GSTCD: variants seen among roughly 807,000 people sequenced by gnomAD.
GSTCD encodes the protein glutathione S-transferase C-terminal domain containing.
In GSTCD, 44 loss-of-function variants were observed where a neutral mutation model predicts 68.3. The observed-to-expected ratio is 0.64, with a 90% CI of 0.51 to 0.83. The LOEUF (loss-of-function observed/expected upper bound fraction) is 0.83, where lower values mean the gene tolerates loss of function less well. Among genes scored for constraint, GSTCD ranks in the 40% least tolerant of loss-of-function variants. The pLI, the probability that GSTCD is intolerant of heterozygous loss-of-function variation, is 0.00. For missense variants in GSTCD, 739 were observed against 735.9 expected (o/e 1.00, Z -0.05); for synonymous variants, 273 against 255.2 (o/e 1.07, Z -0.67).
chr4:105,724,521 AT>A (rs1732968873), intron 3 of GSTCD, among the ~76,000 whole-genome samples: 1 of 151,632 alleles, frequency 6.6e-6, no homozygotes, highest in Non-Finnish European at 1.5e-5. Flanking sequence ...TCATTGTGTA[AT>A]TTTTAAAAAT....
chr4:105,743,742 T>TC (rs1482180088), intron 5 of GSTCD, among the ~76,000 whole-genome samples: 24 of 138,590 alleles, frequency 1.7e-4, no homozygotes, highest in African/African-American at 6.5e-4. Flanking sequence ...TACTGCAAGC[T>TC]CCCCCTCCCA....
At chr4:105,784,364 A>T (rs1735388335) in intron 5 of GSTCD, among the ~76,000 whole-genome samples, 1 of 152,336 alleles carries the variant, frequency 6.6e-6, no homozygotes, top group African/African-American at 2.4e-5. Context: ...AGAGAGAGAC[A>T]CCAGGGACCA....
intron 1 of GSTCD, among the ~76,000 whole-genome samples, chr4:105,715,603 G>T (rs1234063764): frequency 6.6e-6 from 1 of 151,544 alleles, no homozygotes; most frequent in Admixed American, 6.6e-5. Flanking sequence ...TTTTTATAAT[G>T]GATTACAAGT....
chr4:105,795,686 T>C (rs1220873204), intron 5 of GSTCD, among the ~76,000 whole-genome samples: 1 of 152,152 alleles, frequency 6.6e-6, no homozygotes, highest in Non-Finnish European at 1.5e-5. Context: ...CACATACATT[T>C]AGGGAGGTTG....
chr4:105,743,166 G>T (rs989825412), intron 5 of GSTCD, among the ~76,000 whole-genome samples: 2 of 151,942 alleles, frequency 1.3e-5, no homozygotes, highest in Non-Finnish European at 1.5e-5. Context: ...TAGCCAGGAT[G>T]GTCTCGATCT....
chr4:105,764,124 T>C (rs1051361753), intron 5 of GSTCD, among the ~76,000 whole-genome samples: 3 of 152,186 alleles, frequency 2.0e-5, no homozygotes, highest in Non-Finnish European at 4.4e-5. Context: ...AGTGTACCTC[T>C]AAATTACACG....
intron 8 of GSTCD, among the ~76,000 whole-genome samples, chr4:105,828,988 G>C (rs1349211601): frequency 1.3e-5 from 2 of 151,992 alleles, no homozygotes; most frequent in Non-Finnish European, 2.9e-5. Context: ...GAAGGGCAAT[G>C]GTGATGTGCC....
chr4:105,761,450 A>G (rs891266850), intron 5 of GSTCD: 13 of 152,150 alleles, frequency 8.5e-5, no homozygotes, highest in African/African-American at 3.1e-4. Flanking sequence ...TGGTTTGTCT[A>G]TTAAAATAGT....
At chr4:105,723,991 A>G in intron 3 of GSTCD, among the ~76,000 whole-genome samples, 1 of 151,954 alleles carries the variant, frequency 6.6e-6, no homozygotes, top group Non-Finnish European at 1.5e-5. Context: ...CTTATAATCA[A>G]TTACTTGTGC....
At chr4:105,809,842 A>G (rs1386014555) in intron 5 of GSTCD, among the ~76,000 whole-genome samples, 2 of 151,908 alleles carry the variant, frequency 1.3e-5, no homozygotes, top group African/African-American at 2.4e-5. Context: ...GTCTCAAAGT[A>G]TACTGCAGTG....
At chr4:105,756,576 G>A (rs1410429055) in intron 5 of GSTCD, among the ~76,000 whole-genome samples, 4 of 89,410 alleles carry the variant, frequency 4.5e-5, no homozygotes, top group Non-Finnish European at 9.8e-5. Flanking sequence ...GTGTGTGTGT[G>A]TGTGTATATA....
intron 5 of GSTCD, among the ~76,000 whole-genome samples, chr4:105,737,701 G>C (rs1733505812): frequency 6.6e-6 from 1 of 152,130 alleles, no homozygotes; most frequent in African/African-American, 2.4e-5. Flanking sequence ...AGTTTTTCTA[G>C]TACCATTTAT....
chr4:105,750,729 C>G (rs1165014385), intron 5 of GSTCD, among the ~76,000 whole-genome samples: 3 of 152,050 alleles, frequency 2.0e-5, no homozygotes, highest in African/African-American at 7.2e-5. Context: ...TAGTGGCCCC[C>G]TAACTGGAAA....
At chr4:105,781,000 C>G (rs530393832) in intron 5 of GSTCD, among the ~76,000 whole-genome samples, 1 of 152,142 alleles carries the variant, frequency 6.6e-6, no homozygotes, top group Non-Finnish European at 1.5e-5. Flanking sequence ...TACTTAATCT[C>G]AAGCAAATTA....
chr4:105,837,910 A>G, intron 10 of GSTCD, 21 bp downstream of exon 10: 1 of 979,918 alleles, frequency 1.0e-6, no homozygotes. Flanking sequence ...AAAGATCTAG[A>G]TATCATCCTA....
intron 5 of GSTCD, among the ~76,000 whole-genome samples, chr4:105,769,373 C>T (rs1734752243): frequency 6.6e-6 from 1 of 151,980 alleles, no homozygotes; most frequent in Admixed American, 6.6e-5. Context: ...ATAAAGGAAG[C>T]AGCTAGTAAA....
chr4:105,766,047 C>T (rs1317449601), intron 5 of GSTCD, among the ~76,000 whole-genome samples: 1 of 152,190 alleles, frequency 6.6e-6, no homozygotes, highest in Non-Finnish European at 1.5e-5. Flanking sequence ...CTCTAGCATT[C>T]AGGGTCCTTT....
chr4:105,746,485 T>A (rs1733806039), intron 5 of GSTCD: 1 of 152,198 alleles, frequency 6.6e-6, no homozygotes, highest in Non-Finnish European at 1.5e-5. Context: ...TATAGTGTCT[T>A]CTTTCTAGAA....
chr4:105,761,116 G>A (rs940296180), intron 5 of GSTCD: 14 of 195,450 alleles, frequency 7.2e-5, no homozygotes, highest in African/African-American at 3.5e-4. Context: ...TAATTCTGCT[G>A]CTTCAGCCTC....
Sources: gnomAD v4.1 joint callset for allele counts (sites outside exome capture counted in the v4.1 genomes callset) on GRCh38, gnomAD v4.1.1 for gene constraint, MANE v1.5 for transcripts, NCBI Gene and HGNC (gene_info 2026-07-23, HGNC 2026-07-21) for gene names.